Variants in EHD4 observed in about 807,000 individuals in gnomAD.
EHD4 encodes EH domain-containing protein 4.
Under a neutral mutation model 51.0 loss-of-function variants are expected in EHD4, and 37 were observed. The ratio of observed to expected loss-of-function variants is 0.73; its 90% CI spans 0.56 to 0.95. The LOEUF (loss-of-function observed/expected upper bound fraction) is 0.95. Among genes scored for constraint, EHD4 ranks in the 40% least tolerant of loss-of-function variants. The pLI is 0.00. For synonymous variants in EHD4, 297 were observed against 317.3 expected (o/e 0.94, Z 0.68); for missense variants, 632 against 733.1 (o/e 0.86, Z 1.59).
At chr15:41,910,298 CA>C in intron 4 of EHD4, among the ~76,000 whole-genome samples, 1 of 152,172 alleles carries the variant, frequency 6.6e-6, no homozygotes, top group Non-Finnish European at 1.5e-5. Flanking sequence ...TGAGAATCCC[CA>C]TAACCCCCCT....
intron 1 of EHD4, among the ~76,000 whole-genome samples, chr15:41,965,916 C>T (rs962567222): frequency 1.3e-4 from 20 of 149,252 alleles, no homozygotes; most frequent in Admixed American, 2.7e-4. Context: ...GCTGCCAGCG[C>T]TCCCCTGCCC....
chr15:41,939,979 T>C (rs1484374482), intron 3 of EHD4, among the ~76,000 whole-genome samples: 5 of 152,096 alleles, frequency 3.3e-5, no homozygotes, highest in Admixed American at 1.3e-4. Flanking sequence ...TGGAATGCTA[T>C]GTATTTTTTT....
At chr15:41,971,737 C>T (rs970403847) in intron 1 of EHD4, among the ~76,000 whole-genome samples, 8 of 152,220 alleles carry the variant, frequency 5.3e-5, no homozygotes, top group African/African-American at 1.9e-4. Flanking sequence ...TCTTTATCCC[C>T]TCCCCACAAC....
At chr15:41,936,095 G>A (rs911766106) in intron 3 of EHD4, among the ~76,000 whole-genome samples, 1 of 152,198 alleles carries the variant, frequency 6.6e-6, no homozygotes, top group African/African-American at 2.4e-5. Context: ...AGAGATTTAG[G>A]TGGAACCTGC....
At chr15:41,928,599 G>T (rs1260590617) in intron 3 of EHD4, 1 of 152,210 alleles carries the variant, frequency 6.6e-6, no homozygotes, top group Non-Finnish European at 1.5e-5. Context: ...AAACAAATAT[G>T]CATATTGTAA....
chr15:41,909,608 T>C (rs911605028), intron 5 of EHD4, 91 bp downstream of exon 5: 37 of 1,454,058 alleles, frequency 2.5e-5, no homozygotes, highest in Non-Finnish European at 3.2e-5. Flanking sequence ...TCCTAAACCA[T>C]GGGACTCTCA....
At chr15:41,915,085 GACACACACACAC>G (rs10552371) in intron 4 of EHD4, among the ~76,000 whole-genome samples, 1 of 149,668 alleles carries the variant, frequency 6.7e-6, no homozygotes, top group Non-Finnish European at 1.5e-5. Context: ...CAGTCTTGGA[GACACACACACAC>G]ACACACACAC....
chr15:41,933,927 G>A (rs1426890), intron 3 of EHD4, among the ~76,000 whole-genome samples: 68,656 of 151,818 alleles, frequency 0.45, 16,531 homozygotes, highest in East Asian at 0.56. Flanking sequence ...CCATGAGGCC[G>A]ACAGGGTCAC....
intron 1 of EHD4, among the ~76,000 whole-genome samples, chr15:41,954,805 T>A (rs116688046): frequency 0.017 from 2,580 of 152,248 alleles, 87 homozygotes; most frequent in African/African-American, 0.059. Context: ...GCCTAGCTAA[T>A]TTTTTGTAGA....
At chr15:41,941,326 T>C (rs1261877399) in intron 3 of EHD4, among the ~76,000 whole-genome samples, 1 of 152,172 alleles carries the variant, frequency 6.6e-6, no homozygotes, top group Non-Finnish European at 1.5e-5. Flanking sequence ...ATGTCCAAGG[T>C]AGACTGTTAT....
chr15:41,929,699 T>C (rs2067685998), intron 3 of EHD4, among the ~76,000 whole-genome samples: 1 of 152,250 alleles, frequency 6.6e-6, no homozygotes, highest in African/African-American at 2.4e-5. Flanking sequence ...AATTTCATTC[T>C]GCTGGGCCTC....
chr15:41,917,733 A>T (rs1378083467), intron 4 of EHD4, among the ~76,000 whole-genome samples: 1 of 152,208 alleles, frequency 6.6e-6, no homozygotes, highest in Non-Finnish European at 1.5e-5. Context: ...AAATCATTTC[A>T]GGAGAGCTGC....
At chr15:41,928,347 C>T (rs1450470451) in intron 3 of EHD4, 3 of 152,140 alleles carry the variant, frequency 2.0e-5, no homozygotes, top group Non-Finnish European at 1.5e-5. Flanking sequence ...CCCCATTTTA[C>T]AGGGGAGGAA....
At position 41,968,110 on chromosome 15, in the gene EHD4, G is replaced by GTTCTTT. The variant is rs1216639045; in HGVS notation, c.236+4148_236+4149insAAAGAA. Among the ~76,000 whole-genome samples, 35 of 152,242 alleles carry GTTCTTT rather than the reference G, an allele frequency of 2.3e-4. No individual in the cohort carries two copies. The East Asian group carries it at 5.8e-3, about 25-fold the overall frequency. On this transcript the variant is annotated intron_variant, in intron 1 of 5. Coordinates refer to ENST00000220325, the MANE Select transcript of EHD4 (RefSeq NM_139265.4). Reference sequence around the variant, plus strand: ...CGATCACTTCCTGATTCTTGTTCTTGTTCTAATCATACCTTAAAAGGCTTT... The same window carrying GTTCTTT: ...CGATCACTTCCTGATTCTTGTTCTTGTTCTTTTTCTAATCATACCTTAAAAGGCTTT...
At chr15:41,937,654 C>T (rs10518743) in intron 3 of EHD4, among the ~76,000 whole-genome samples, 16,785 of 152,284 alleles carry the variant, frequency 0.11, 1,002 homozygotes, top group South Asian at 0.26. Context: ...GGAAGTCATT[C>T]TTATCTGGAC....
chr15:41,910,243 C>CA (rs2067540313), intron 4 of EHD4, among the ~76,000 whole-genome samples: 1 of 152,166 alleles, frequency 6.6e-6, no homozygotes, highest in South Asian at 2.1e-4. Flanking sequence ...AGGCTGGCAT[C>CA]AATGGCTGAT....
chr15:41,912,650 G>A (rs2067558174), intron 4 of EHD4, among the ~76,000 whole-genome samples: 1 of 152,014 alleles, frequency 6.6e-6, no homozygotes, highest in Non-Finnish European at 1.5e-5. Flanking sequence ...AGCTGAGATT[G>A]CCCCACTGCA....
At chr15:41,920,727 G>A (rs767116712) in intron 3 of EHD4, among the ~76,000 whole-genome samples, 11 of 152,018 alleles carry the variant, frequency 7.2e-5, no homozygotes, top group Admixed American at 1.3e-4. Context: ...AATACCATAC[G>A]GTGGTGAGAA....
chr15:41,929,721 C>A (rs575831039), intron 3 of EHD4, among the ~76,000 whole-genome samples: 2 of 152,262 alleles, frequency 1.3e-5, no homozygotes, highest in East Asian at 3.9e-4. Flanking sequence ...GTTTCTATAC[C>A]TGTGAGTCAG....
Sources: gnomAD v4.1 joint callset for allele counts (sites outside exome capture counted in the v4.1 genomes callset) on GRCh38, gnomAD v4.1.1 for gene constraint, MANE v1.5 for transcripts, NCBI Gene and HGNC (gene_info 2026-07-23, HGNC 2026-07-21) for gene names.